Variants in ASB4 observed in about 807,000 individuals in gnomAD.
The protein encoded by ASB4 is ankyrin repeat and SOCS box protein 4.
A neutral mutation model predicts 38.6 loss-of-function variants in ASB4; 35 were observed. The ratio of observed to expected loss-of-function variants is 0.91; its 90% CI spans 0.69 to 1.20. The LOEUF is 1.20. Among genes scored for constraint, ASB4 ranks in the 50% most tolerant of loss-of-function variants. ASB4 has a pLI of 0.00. For missense variants in ASB4, 557 were observed against 527.2 expected (o/e 1.06, Z -0.55); for synonymous variants, 195 against 201.3 (o/e 0.97, Z 0.26).
chr7:95,513,509 A>G (rs1790514515), intron 2 of ASB4, among the ~76,000 whole-genome samples: 1 of 152,002 alleles, frequency 6.6e-6, no homozygotes, highest in African/African-American at 2.4e-5. Flanking sequence ...GAAGACTTTC[A>G]ATGGAGTGGA....
chr7:95,522,250 CTTTGA>C lies in ASB4; in HGVS notation c.488-5559_488-5555del, dbSNP rs1015591349. ...TGGTATAAATCAAGGAGAGGCTGAA[CTTTGA>C]TTTATTAGAACTTTACCAATAATTT... On this transcript the variant is annotated intron_variant, in intron 2 of 4. Coordinates refer to ENST00000325885, the MANE Select transcript of ASB4 (RefSeq NM_016116.3). 7.2e-5 allele frequency among the ~76,000 whole-genome samples: 11 copies of C among 152,114 alleles called. No individual in the cohort carries two copies. In the South Asian group the frequency reaches 1.7e-3, roughly 23 times the overall value.
chr7:95,546,551 T>C, the ASB4 span, among the ~76,000 whole-genome samples: 2 of 152,212 alleles, frequency 1.3e-5, no homozygotes, highest in Non-Finnish European at 2.9e-5. Flanking sequence ...TGTTATTTTT[T>C]ACACCTACGG....
chr7:95,481,087 C>T (rs1432483800), upstream of ASB4, among the ~76,000 whole-genome samples: 1 of 152,114 alleles, frequency 6.6e-6, no homozygotes, highest in Non-Finnish European at 1.5e-5. Flanking sequence ...CATTTATAGT[C>T]TTTGATTCTT....
chr7:95,528,502 G>C (rs1187268622), intron 3 of ASB4, 199 bp downstream of exon 3: 1 of 1,432,016 alleles, frequency 7.0e-7, no homozygotes, highest in East Asian at 2.5e-5. Flanking sequence ...AATTGGGTGT[G>C]AGAGCTAGAA....
chr7:95,496,807 C>T (rs1287915272), intron 2 of ASB4, among the ~76,000 whole-genome samples: 3 of 152,042 alleles, frequency 2.0e-5, no homozygotes, highest in Non-Finnish European at 4.4e-5. Flanking sequence ...GTGATTATGC[C>T]ACTGCACTCC....
At chr7:95,521,965 T>G (rs1790669269) in intron 2 of ASB4, among the ~76,000 whole-genome samples, 1 of 152,026 alleles carries the variant, frequency 6.6e-6, no homozygotes, top group Non-Finnish European at 1.5e-5. Flanking sequence ...AGAAGAAAAC[T>G]AAAGCAAATA....
intron 2 of ASB4, among the ~76,000 whole-genome samples, chr7:95,505,684 T>G (rs1790397186): frequency 1.8e-5 from 2 of 112,494 alleles, no homozygotes; most frequent in Non-Finnish European, 2.0e-5. Flanking sequence ...CCTCTATCCG[T>G]GTCCCCCCCC....
At chr7:95,533,976 C>T (rs1023730270) in intron 3 of ASB4, among the ~76,000 whole-genome samples, 5 of 152,148 alleles carry the variant, frequency 3.3e-5, no homozygotes, top group Non-Finnish European at 7.3e-5. Flanking sequence ...TGGCTTCTGC[C>T]AGCACATACT....
chr7:95,481,702 A>G (rs1790022779), upstream of ASB4, among the ~76,000 whole-genome samples: 1 of 152,234 alleles, frequency 6.6e-6, no homozygotes, highest in African/African-American at 2.4e-5. Context: ...TGTTGTACAC[A>G]GACAAGCATC....
chr7:95,475,833 T>C (rs1267363948), upstream of ASB4, among the ~76,000 whole-genome samples: 2 of 152,214 alleles, frequency 1.3e-5, no homozygotes, highest in African/African-American at 4.8e-5. Flanking sequence ...CTCTCCCCCA[T>C]CTCTAATCCT....
In ASB4 at chr7:95,529,554, T is replaced by A. The variant is rs189273154; in HGVS notation, c.978+1251T>A. 1.2e-4 allele frequency among the ~76,000 whole-genome samples: 18 copies of A among 152,280 alleles called. No individual in the cohort carries two copies. In the East Asian group the frequency reaches 3.3e-3, roughly 28 times the overall value. On this transcript the variant is annotated intron_variant, in intron 3 of 4. Coordinates refer to ENST00000325885, the MANE Select transcript of ASB4 (RefSeq NM_016116.3). ...AAACCAGAGAACTTTCAAATGAAGA[T>A]TTGATGGGTTCAGCAATCCTGTGAT...
intron 2 of ASB4, among the ~76,000 whole-genome samples, chr7:95,515,307 TTCTTTC>T (rs1790561815): frequency 7.8e-6 from 1 of 129,004 alleles, no homozygotes; most frequent in Non-Finnish European, 1.6e-5. Context: ...CTTTCTTTCT[TTCTTTC>T]TTTCTTCCTT....
At chr7:95,550,224 T>C in the ASB4 span, among the ~76,000 whole-genome samples, 1 of 152,058 alleles carries the variant, frequency 6.6e-6, no homozygotes, top group African/African-American at 2.4e-5. Context: ...GCACAGCAGG[T>C]CTAAAAGTCC....
At chr7:95,500,076 T>C (rs753167667) in intron 2 of ASB4, among the ~76,000 whole-genome samples, 4 of 151,976 alleles carry the variant, frequency 2.6e-5, no homozygotes, top group Non-Finnish European at 5.9e-5. Context: ...TATTTATAGA[T>C]TTGATGGTGC....
the ASB4 span, among the ~76,000 whole-genome samples, chr7:95,550,196 C>T: frequency 8.1e-3 from 1,229 of 152,280 alleles, 21 homozygotes; most frequent in African/African-American, 0.028. Flanking sequence ...TGGGGACTAT[C>T]TTAGCTTCTG....
At chr7:95,498,629 C>T (rs1045392558) in intron 2 of ASB4, among the ~76,000 whole-genome samples, 1 of 152,166 alleles carries the variant, frequency 6.6e-6, no homozygotes, top group Non-Finnish European at 1.5e-5. Context: ...ACGTATTTCT[C>T]TTCATTCTGT....
downstream of ASB4, among the ~76,000 whole-genome samples, chr7:95,544,937 C>G (rs1791012687): frequency 6.6e-6 from 1 of 152,106 alleles, no homozygotes; most frequent in South Asian, 2.1e-4. Context: ...ATCCACCTGT[C>G]TCGGCCTTCC....
upstream of ASB4, among the ~76,000 whole-genome samples, chr7:95,478,114 G>T (rs535439126): frequency 6.6e-6 from 1 of 152,126 alleles, no homozygotes; most frequent in Non-Finnish European, 1.5e-5. Flanking sequence ...CCCCTTAAAA[G>T]GGAAGGATAA....
chr7:95,516,784 G>C (rs868208027), intron 2 of ASB4, among the ~76,000 whole-genome samples: 1 of 152,186 alleles, frequency 6.6e-6, no homozygotes, highest in Non-Finnish European at 1.5e-5. Context: ...TGCTGGATCT[G>C]CTACTCTTTT....
Sources: allele counts gnomAD v4.1 joint callset (sites outside exome capture counted in the v4.1 genomes callset), GRCh38; gene constraint gnomAD v4.1.1; transcripts MANE v1.5; gene names NCBI Gene and HGNC (gene_info 2026-07-23, HGNC 2026-07-21).